Variants in HSD17B12 observed in about 807,000 individuals in gnomAD.
HSD17B12 encodes the protein hydroxysteroid 17-beta dehydrogenase 12.
Under a neutral mutation model 39.3 loss-of-function variants are expected in HSD17B12, and 32 were observed. That is an observed-to-expected ratio of 0.81 (90% CI 0.61 to 1.09). The LOEUF (loss-of-function observed/expected upper bound fraction) is 1.09. Among genes scored for constraint, HSD17B12 ranks in the 50% least tolerant of loss-of-function variants. The pLI, the probability that HSD17B12 is intolerant of heterozygous loss-of-function variation, is 0.00. For missense variants in HSD17B12, 342 were observed against 382.9 expected (o/e 0.89, Z 0.89); for synonymous variants, 150 against 146.7 (o/e 1.02, Z -0.16).
At chr11:43,571,733 T>C in the HSD17B12 span, among the ~76,000 whole-genome samples, 1 of 152,162 alleles carries the variant, frequency 6.6e-6, no homozygotes, top group African/African-American at 2.4e-5. Context: ...AGGGGTGGAA[T>C]TACAGTCACT....
At chr11:43,803,706 A>G (rs1950991969) in intron 4 of HSD17B12, among the ~76,000 whole-genome samples, 1 of 152,332 alleles carries the variant, frequency 6.6e-6, no homozygotes, top group East Asian at 1.9e-4. Flanking sequence ...GTGAGAATTT[A>G]TCCTGAAAGG....
chr11:43,852,299 A>G (rs1349181385), intron 9 of HSD17B12: 1 of 152,178 alleles, frequency 6.6e-6, no homozygotes, highest in East Asian at 1.9e-4. Flanking sequence ...TCCAATTTAT[A>G]CCATGTTACA....
At chr11:43,739,930 G>A (rs1230138614) in intron 1 of HSD17B12, among the ~76,000 whole-genome samples, 1 of 152,140 alleles carries the variant, frequency 6.6e-6, no homozygotes, top group Non-Finnish European at 1.5e-5. Flanking sequence ...TTTTAGGCAG[G>A]GAAGTGAAGT....
chr11:43,655,178 G>T, the HSD17B12 span, among the ~76,000 whole-genome samples: 2 of 152,136 alleles, frequency 1.3e-5, no homozygotes, highest in African/African-American at 4.8e-5. Context: ...TTGTGATTGG[G>T]AGTTCACTCA....
At chr11:43,677,431 T>C (rs574476829), upstream of HSD17B12, among the ~76,000 whole-genome samples, 5 of 152,324 alleles carry the variant, frequency 3.3e-5, no homozygotes, top group South Asian at 8.3e-4. Flanking sequence ...TGAAGCACTT[T>C]ATTGTTTTAC....
intron 3 of HSD17B12, among the ~76,000 whole-genome samples, chr11:43,766,147 C>T (rs1240399177): frequency 6.6e-6 from 1 of 152,178 alleles, no homozygotes; most frequent in Non-Finnish European, 1.5e-5. Context: ...AACGTGCTCA[C>T]TCTCTAGTTT....
At position 43,800,470 on chromosome 11, in the gene HSD17B12, G is replaced by T. The variant is rs181915095; in HGVS notation, c.391+2043G>T. ...CTCTGGGACTATGGCATTGGCATTG[G>T]AAAATGTTGGGCATCATGTTGCTGC... On this transcript the variant is annotated intron_variant, in intron 4 of 10. Transcript: ENST00000278353. Among the ~76,000 whole-genome samples, 143 of 152,086 alleles carry T rather than the reference G, an allele frequency of 9.4e-4. 3 individuals carry two copies. The highest frequency in any genetic ancestry group is 9.3e-3 in the Admixed American group (142 of 15,250).
chr11:43,709,087 A>G (rs1352182611), intron 1 of HSD17B12, among the ~76,000 whole-genome samples: 2 of 152,192 alleles, frequency 1.3e-5, no homozygotes, highest in African/African-American at 2.4e-5. Flanking sequence ...TTTTCTACAT[A>G]AAAGAAAGAA....
At chr11:43,660,227 G>C in the HSD17B12 span, among the ~76,000 whole-genome samples, 2 of 152,128 alleles carry the variant, frequency 1.3e-5, no homozygotes, top group East Asian at 1.9e-4. Flanking sequence ...GTCTCATGCT[G>C]TGAAGGACTT....
chr11:43,739,644 G>C (rs1409760026), intron 1 of HSD17B12, among the ~76,000 whole-genome samples: 1 of 152,140 alleles, frequency 6.6e-6, no homozygotes, highest in African/African-American at 2.4e-5. Flanking sequence ...AGACTTCATG[G>C]CCTAATCACC....
the HSD17B12 span, among the ~76,000 whole-genome samples, chr11:43,607,639 A>C: frequency 2.0e-5 from 3 of 152,236 alleles, no homozygotes; most frequent in African/African-American, 7.2e-5. Context: ...AAACTGAAGC[A>C]CAATAATAGA....
At chr11:43,628,574 A>G in the HSD17B12 span, among the ~76,000 whole-genome samples, 2 of 152,066 alleles carry the variant, frequency 1.3e-5, no homozygotes, top group Non-Finnish European at 2.9e-5. Context: ...CATTATAGCC[A>G]TGGCTAAAGA....
At chr11:43,677,595 C>G (rs546109433), upstream of HSD17B12, among the ~76,000 whole-genome samples, 8 of 152,158 alleles carry the variant, frequency 5.3e-5, no homozygotes, top group Non-Finnish European at 1.0e-4. Context: ...TCCCCACCCC[C>G]CCACCACCCC....
At chr11:43,790,454 C>T (rs867598192) in intron 3 of HSD17B12, among the ~76,000 whole-genome samples, 1 of 152,170 alleles carries the variant, frequency 6.6e-6, no homozygotes, top group African/African-American at 2.4e-5. Context: ...AGGAGTCCCC[C>T]CCGTGTCTGC....
chr11:43,684,879 CT>C (rs1949783729), intron 1 of HSD17B12, among the ~76,000 whole-genome samples: 1 of 152,204 alleles, frequency 6.6e-6, no homozygotes, highest in Non-Finnish European at 1.5e-5. Context: ...CGCTCCAGCC[CT>C]AGTCAACTAC....
the HSD17B12 span, among the ~76,000 whole-genome samples, chr11:43,573,168 T>G: frequency 6.6e-6 from 1 of 152,214 alleles, no homozygotes. Context: ...GTTTTCACCT[T>G]GGACAGGTTC....
At chr11:43,634,075 C>CAAAAAAAAAAAAAAAAAAAAAAAA in the HSD17B12 span, among the ~76,000 whole-genome samples, 10 of 37,566 alleles carry the variant, frequency 2.7e-4, no homozygotes, top group Non-Finnish European at 4.1e-4. Flanking sequence ...AACTCCATCT[C>CAAAAAAAAAAAAAAAAAAAAAAAA]AAAAAAAAAA....
intron 1 of HSD17B12, among the ~76,000 whole-genome samples, chr11:43,696,606 G>T (rs1949913874): frequency 6.6e-6 from 1 of 152,176 alleles, no homozygotes; most frequent in African/African-American, 2.4e-5. Context: ...AAGACAGTGT[G>T]GCAGTTCCTC....
chr11:43,783,601 G>T (rs780482844), intron 3 of HSD17B12, among the ~76,000 whole-genome samples: 49 of 151,522 alleles, frequency 3.2e-4, no homozygotes, highest in African/African-American at 1.2e-3. Flanking sequence ...TGTGTGATGC[G>T]CCCTTCCCTG....
Sources: gnomAD v4.1 joint callset for allele counts (sites outside exome capture counted in the v4.1 genomes callset) on GRCh38, gnomAD v4.1.1 for gene constraint, MANE v1.5 for transcripts, NCBI Gene and HGNC (gene_info 2026-07-23, HGNC 2026-07-21) for gene names.